Variants in MYO18B observed in about 807,000 individuals in gnomAD.
MYO18B encodes unconventional myosin-XVIIIb.
Under a neutral mutation model 273.0 loss-of-function variants are expected in MYO18B, and 204 were observed. The observed-to-expected ratio is 0.75, with a 90% CI of 0.67 to 0.84. The LOEUF (loss-of-function observed/expected upper bound fraction) is 0.84. Among genes scored for constraint, MYO18B ranks in the 40% least tolerant of loss-of-function variants. The probability of loss-of-function intolerance (pLI) is 0.00; values close to 1 mark genes in which losing one functional copy is unlikely to be tolerated. For missense variants in MYO18B, 3,212 were observed against 3,287.6 expected, an observed-to-expected ratio of 0.98 and a Z score of 0.56; for synonymous variants, 1,330 against 1,305.7, an observed-to-expected ratio of 1.02 and a Z score of -0.40.
chr22:26,017,027 T>C (rs1935391705), intron 42 of MYO18B, among the ~76,000 whole-genome samples: 1 of 18,254 alleles, frequency 5.5e-5, no homozygotes, highest in Admixed American at 5.6e-4. Context: ...TAGGCTAATT[T>C]CCTTCCTTCC....
intron 37 of MYO18B, 100 bp downstream of exon 37, chr22:25,950,550 G>GTGTGTGTGTGTGTGTC: frequency 1.4e-6 from 1 of 740,510 alleles, no homozygotes; most frequent in Middle Eastern, 3.7e-4. Context: ...GTGTGTGTGT[G>GTGTGTGTGTGTGTGTC]TATGAGTTTA....
intron 40 of MYO18B, among the ~76,000 whole-genome samples, chr22:26,002,542 C>T (rs1384821571): frequency 1.3e-5 from 2 of 152,140 alleles, no homozygotes; most frequent in African/African-American, 4.8e-5. Context: ...CAGATTACAG[C>T]AGAGAATACT....
chr22:25,900,256 A>G (rs1165373938), intron 29 of MYO18B: 1 of 152,230 alleles, frequency 6.6e-6, no homozygotes, highest in African/African-American at 2.4e-5. Flanking sequence ...CCAATTGCAG[A>G]TAGCAGGCAT....
At chr22:25,948,909 C>T (rs1286232623) in intron 36 of MYO18B, among the ~76,000 whole-genome samples, 2 of 151,848 alleles carry the variant, frequency 1.3e-5, no homozygotes, top group Non-Finnish European at 2.9e-5. Flanking sequence ...GAATAGGAGT[C>T]ACTTAGATTG....
At chr22:25,764,498 C>G (rs2086436331) in intron 3 of MYO18B, among the ~76,000 whole-genome samples, 1 of 152,186 alleles carries the variant, frequency 6.6e-6, no homozygotes, top group African/African-American at 2.4e-5. Context: ...GCCCAGTGAC[C>G]CATCCTGACT....
At chr22:25,846,382 C>A in intron 19 of MYO18B, 99 bp downstream of exon 19, 1 of 1,335,518 alleles carries the variant, frequency 7.5e-7, no homozygotes, top group Non-Finnish European at 1.0e-6. Context: ...CTAACCTCCC[C>A]AGCAAGGCCA....
intron 15 of MYO18B, among the ~76,000 whole-genome samples, chr22:25,832,351 T>A (rs1014141885): frequency 6.6e-6 from 1 of 152,138 alleles, no homozygotes; most frequent in Non-Finnish European, 1.5e-5. Flanking sequence ...AAGCAACTCA[T>A]ATATAGATTG....
intron 22 of MYO18B, among the ~76,000 whole-genome samples, chr22:25,869,338 T>C (rs1036700922): frequency 2.7e-5 from 4 of 150,266 alleles, no homozygotes; most frequent in Admixed American, 6.7e-5. Context: ...TAATCCCAGC[T>C]ACTTGGGAGG....
chr22:25,982,257 G>A (rs535402338), intron 39 of MYO18B, among the ~76,000 whole-genome samples: 23 of 152,304 alleles, frequency 1.5e-4, no homozygotes, highest in African/African-American at 5.5e-4. Flanking sequence ...CCACGAGGCA[G>A]AGAACTGAGC....
chr22:25,849,813 A>G (rs1167276596), intron 20 of MYO18B, among the ~76,000 whole-genome samples: 1 of 152,246 alleles, frequency 6.6e-6, no homozygotes, highest in East Asian at 1.9e-4. Flanking sequence ...CAATAAGACA[A>G]TAAAGCTTAG....
At chr22:25,833,622 C>T (rs994712269) in intron 16 of MYO18B, among the ~76,000 whole-genome samples, 1 of 152,124 alleles carries the variant, frequency 6.6e-6, no homozygotes, top group Non-Finnish European at 1.5e-5. Context: ...AGTGCTTGGG[C>T]CATGAAACCT....
At chr22:25,912,561 A>G (rs1601554947) in intron 33 of MYO18B, among the ~76,000 whole-genome samples, 1 of 152,206 alleles carries the variant, frequency 6.6e-6, no homozygotes, top group South Asian at 2.1e-4. Flanking sequence ...AGCACTTTTG[A>G]TGATTTTAAA....
rs377053784 is a variant in MYO18B, at chr22:25,774,118, A to T, written c.1869+1608A>T. On this transcript the variant is annotated intron_variant, in intron 7 of 43. Coordinates refer to ENST00000335473, the MANE Select transcript of MYO18B (RefSeq NM_032608.7). Reference sequence around the variant, plus strand: ...CTTTGGGGCCCTGTGGGACAAATCCATCCCTAGTCCCTGAGGCAATGCTAA... The same window carrying T: ...CTTTGGGGCCCTGTGGGACAAATCCTTCCCTAGTCCCTGAGGCAATGCTAA... Among the ~76,000 whole-genome samples the T allele has an allele frequency of 1.5e-3, 229 of 152,186 alleles. 10 individuals carry two copies. In the South Asian group the frequency reaches 0.046, roughly 31 times the overall value.
chr22:25,902,861 C>A, intron 30 of MYO18B, 125 bp downstream of exon 30: 1 of 1,059,120 alleles, frequency 9.4e-7, no homozygotes, highest in Non-Finnish European at 1.3e-6. Context: ...GTCTGTCAAG[C>A]AGCTGAATCC....
chr22:25,921,703 TGTGTGTGTGTG>T (rs1314676302), intron 34 of MYO18B, among the ~76,000 whole-genome samples: 185 of 6,240 alleles, frequency 0.03, 1 homozygote, highest in African/African-American at 0.12. Flanking sequence ...GTGTGCCTGT[TGTGTGTGTGTG>T]TGTGTGTGTG....
intron 30 of MYO18B, chr22:25,903,048 C>G (rs1217576937): frequency 3.4e-6 from 1 of 295,972 alleles, no homozygotes; most frequent in African/African-American, 2.2e-5. Flanking sequence ...GGAGCAATGT[C>G]CTGGTCCAAG....
chr22:25,996,165 T>A lies in MYO18B; in HGVS notation c.6287+3672T>A, dbSNP rs77925037. Among the ~76,000 whole-genome samples, 410 of 152,340 alleles carry A rather than the reference T, an allele frequency of 2.7e-3. 2 individuals are homozygous for A. Among genetic ancestry groups the A allele is most frequent in the Non-Finnish European group, 5.0e-3 (341 of 68,020 alleles). The stretch of plus-strand genomic sequence containing the variant: ...GTGACCTTGGACAAGTTATTCAACC[T>A]CTCTGAGCCTCCGTCTCTTTGAGTC... On this transcript the variant is annotated intron_variant, in intron 40 of 43. Coordinates refer to ENST00000335473, the MANE Select transcript of MYO18B (RefSeq NM_032608.7).
intron 39 of MYO18B, among the ~76,000 whole-genome samples, chr22:25,984,169 G>A (rs1454552955): frequency 1.3e-5 from 2 of 152,150 alleles, no homozygotes; most frequent in Non-Finnish European, 2.9e-5. Flanking sequence ...CTTTTGTCAA[G>A]GAATAATACA....
At position 25,891,331 on chromosome 22, in the gene MYO18B, C is replaced by T. The variant is rs2091656488; in HGVS notation, c.4462C>T (p.Leu1488=). Residue 1488 remains leucine, a synonymous_variant, in exon 27 of 44, where the codon CTG becomes TTG. Transcript: ENST00000335473. The part of the protein sequence containing the change: ...KSKHEQVQKK[L]GDVNKQLEEA... ...CAAGCATGAACAAGTCCAGAAAAAA[C>T]TGGGAGATGTGAATAAACAGTTGGA... is the stretch of plus-strand genomic sequence containing the variant. 6.3e-7 allele frequency: 1 copy of T among 1,578,874 alleles called. No individual in the cohort carries two copies. Among genetic ancestry groups the T allele is most frequent in the Non-Finnish European group, 8.6e-7 (1 of 1,162,060 alleles).
Sources: gnomAD v4.1 joint callset for allele counts (sites outside exome capture counted in the v4.1 genomes callset) on GRCh38, gnomAD v4.1.1 for gene constraint, MANE v1.5 for transcripts, NCBI Gene and HGNC (gene_info 2026-07-23, HGNC 2026-07-21) for gene names.